The following ARHGAP8 variants were observed in gnomAD, a reference collection of about 807,000 sequenced individuals.
The protein encoded by ARHGAP8 is Rho GTPase activating protein 8.
In ARHGAP8, 62 loss-of-function variants were observed where a neutral mutation model predicts 46.1. The observed-to-expected ratio is 1.34, with a 90% CI of 1.10 to 1.66. ARHGAP8 has a LOEUF of 1.66. Among genes scored for constraint, ARHGAP8 ranks in the 40% most tolerant of loss-of-function variants. ARHGAP8 has a pLI of 0.00. For missense variants in ARHGAP8, 923 were observed against 568.4 expected (o/e 1.62, Z -6.34); for synonymous variants, 375 against 243.1 (o/e 1.54, Z -5.05).
At chr22:44,862,129 G>T (rs774593155) in intron 11 of ARHGAP8, 146 bp from the exon 12 acceptor site, 1 of 957,208 alleles carries the variant, frequency 1.0e-6, no homozygotes. Context: ...GCAGGTGGCT[G>T]CACAGGGTCC....
intron 1 of ARHGAP8, among the ~76,000 whole-genome samples, chr22:44,783,021 G>A (rs1926957067): frequency 1.3e-5 from 2 of 151,924 alleles, no homozygotes; most frequent in Non-Finnish European, 2.9e-5. Context: ...CAGTGGGCCT[G>A]GGCCAGCCCA....
At chr22:44,853,412 G>T (rs2070144818) in intron 10 of ARHGAP8, among the ~76,000 whole-genome samples, 1 of 152,146 alleles carries the variant, frequency 6.6e-6, no homozygotes, top group African/African-American at 2.4e-5. Flanking sequence ...TGCCAACTCA[G>T]GGGGTAGGAG....
intron 1 of ARHGAP8, among the ~76,000 whole-genome samples, chr22:44,766,514 CTG>C (rs926434213): frequency 3.4e-4 from 52 of 151,860 alleles, no homozygotes; most frequent in African/African-American, 8.2e-4. Flanking sequence ...CTGTGCATGT[CTG>C]TGTGCGTGTG....
At chr22:44,756,072 C>A (rs999346819) in intron 1 of ARHGAP8, among the ~76,000 whole-genome samples, 1 of 150,344 alleles carries the variant, frequency 6.7e-6, no homozygotes, top group Admixed American at 6.7e-5. Context: ...TTGTTTAGAG[C>A]CTGCTCCTTC....
At chr22:44,861,968 C>T (rs563554972) in intron 11 of ARHGAP8, among the ~76,000 whole-genome samples, 19 of 152,216 alleles carry the variant, frequency 1.2e-4, no homozygotes, top group Admixed American at 2.0e-4. Flanking sequence ...TGCTACAGCC[C>T]ATCCCCAAGA....
intron 4 of ARHGAP8, chr22:44,809,468 C>T: frequency 5.8e-6 from 2 of 345,352 alleles, no homozygotes; most frequent in Middle Eastern, 1.1e-3. Context: ...CAGCCCTTTA[C>T]AGTCTGCAAG....
chr22:44,837,447 A>G (rs1204231320), intron 7 of ARHGAP8, among the ~76,000 whole-genome samples: 3 of 152,146 alleles, frequency 2.0e-5, no homozygotes, highest in African/African-American at 4.8e-5. Flanking sequence ...CCCAGCATGC[A>G]TCTTGGAACT....
chr22:44,860,888 G>C (rs146137817), intron 11 of ARHGAP8, among the ~76,000 whole-genome samples: 184 of 152,306 alleles, frequency 1.2e-3, no homozygotes, highest in African/African-American at 4.4e-3. Flanking sequence ...CCTGAGCAGA[G>C]TAGGCGTCAC....
chr22:44,783,496 C>A (rs1167427608), intron 1 of ARHGAP8, among the ~76,000 whole-genome samples: 3 of 152,200 alleles, frequency 2.0e-5, no homozygotes, highest in African/African-American at 7.2e-5. Context: ...GCAGGCTCGA[C>A]TCAGGACATC....
At chr22:44,830,055 A>C (rs1373957296) in intron 7 of ARHGAP8, among the ~76,000 whole-genome samples, 3 of 135,494 alleles carry the variant, frequency 2.2e-5, no homozygotes, top group Non-Finnish European at 4.6e-5. Context: ...ATGGCGTCTC[A>C]CTCTGTCGCC....
intron 7 of ARHGAP8, among the ~76,000 whole-genome samples, chr22:44,838,576 A>G (rs1048077355): frequency 2.0e-5 from 3 of 152,040 alleles, no homozygotes; most frequent in Admixed American, 2.0e-4. Context: ...GCCCCATCTG[A>G]GAGTCTACTT....
intron 7 of ARHGAP8, among the ~76,000 whole-genome samples, chr22:44,844,025 G>A (rs2069895159): frequency 6.6e-6 from 1 of 152,218 alleles, no homozygotes; most frequent in Non-Finnish European, 1.5e-5. Context: ...CACTTGGAGT[G>A]CAGTGGTGCG....
At chr22:44,779,744 T>C (rs1926704328) in intron 1 of ARHGAP8, among the ~76,000 whole-genome samples, 1 of 151,854 alleles carries the variant, frequency 6.6e-6, no homozygotes, top group African/African-American at 2.4e-5. Flanking sequence ...AATTTTTGTA[T>C]TTTTAGTAGA....
At chr22:44,845,871 G>A (rs2069942521) in intron 8 of ARHGAP8, among the ~76,000 whole-genome samples, 1 of 152,146 alleles carries the variant, frequency 6.6e-6, no homozygotes, top group South Asian at 2.1e-4. Flanking sequence ...TACCTTAATG[G>A]GAGGAAAGAG....
chr22:44,767,506 A>C (rs1373113072), intron 1 of ARHGAP8, among the ~76,000 whole-genome samples: 1 of 152,086 alleles, frequency 6.6e-6, no homozygotes, highest in East Asian at 1.9e-4. Flanking sequence ...GTGATCGACT[A>C]TGCAGGCCAC....
intron 2 of ARHGAP8, among the ~76,000 whole-genome samples, chr22:44,796,199 G>A (rs1358755122): frequency 1.3e-5 from 2 of 152,162 alleles, no homozygotes; most frequent in East Asian, 1.9e-4. Context: ...TTCTGCTCCC[G>A]GGAATGGCCT....
At chr22:44,848,324 G>A (rs779688282) in intron 9 of ARHGAP8, among the ~76,000 whole-genome samples, 18 of 151,520 alleles carry the variant, frequency 1.2e-4, no homozygotes, top group Non-Finnish European at 7.4e-5. Flanking sequence ...CACGTGGCAC[G>A]TGCTTTCAGG....
chr22:44,828,711 C>T (rs568696781), intron 7 of ARHGAP8, among the ~76,000 whole-genome samples: 1 of 151,814 alleles, frequency 6.6e-6, no homozygotes, highest in African/African-American at 2.4e-5. Flanking sequence ...CCTCGGCCTC[C>T]TACTGGGATA....
chr22:44,860,942 A>C (rs2070449589), intron 11 of ARHGAP8, among the ~76,000 whole-genome samples: 1 of 151,764 alleles, frequency 6.6e-6, no homozygotes, highest in African/African-American at 2.4e-5. Flanking sequence ...GTTTTACAAC[A>C]ATTTTTTTTC....
Sources: gnomAD v4.1 joint callset for allele counts (sites outside exome capture counted in the v4.1 genomes callset) on GRCh38, gnomAD v4.1.1 for gene constraint, MANE v1.5 for transcripts, NCBI Gene and HGNC (gene_info 2026-07-23, HGNC 2026-07-21) for gene names.